Variants in CLEC16A observed in about 807,000 individuals in gnomAD.
CLEC16A encodes protein CLEC16A.
A neutral mutation model predicts 109.5 loss-of-function variants in CLEC16A; 51 were observed. That is an observed-to-expected ratio of 0.47 (90% CI 0.37 to 0.59). CLEC16A has a LOEUF of 0.59. CLEC16A is among the 20% of genes least tolerant of loss of function. CLEC16A has a pLI of 0.00. For synonymous variants in CLEC16A, 673 were observed against 564.2 expected, an observed-to-expected ratio of 1.19 and a Z score of -2.73; for missense variants, 1,339 against 1,394.0, an observed-to-expected ratio of 0.96 and a Z score of 0.63.
intron 13 of CLEC16A, among the ~76,000 whole-genome samples, 200 bp downstream of exon 13, chr16:11,025,121 C>T (rs2046336845): frequency 6.6e-6 from 1 of 152,154 alleles, no homozygotes; most frequent in Admixed American, 6.5e-5. Context: ...CCAACTGAAG[C>T]CACAGGAATT....
At chr16:11,093,346 T>G (rs933119427) in intron 19 of CLEC16A, among the ~76,000 whole-genome samples, 1 of 152,158 alleles carries the variant, frequency 6.6e-6, no homozygotes, top group Admixed American at 6.5e-5. Flanking sequence ...GTGGCCATAC[T>G]CGTCCCAGTG....
chr16:11,057,411 A>G (rs976816786), intron 18 of CLEC16A, among the ~76,000 whole-genome samples: 4 of 152,226 alleles, frequency 2.6e-5, no homozygotes, highest in Non-Finnish European at 5.9e-5. Context: ...CCAGAACACA[A>G]GCCTGGGCTT....
At chr16:11,065,898 C>T (rs563747252) in intron 19 of CLEC16A, among the ~76,000 whole-genome samples, 12 of 152,316 alleles carry the variant, frequency 7.9e-5, no homozygotes, top group Non-Finnish European at 1.8e-4. Flanking sequence ...CTGGGAAGAG[C>T]CAGATCTCAA....
At chr16:11,066,892 A>G (rs1450443669) in intron 19 of CLEC16A, 1 of 152,154 alleles carries the variant, frequency 6.6e-6, no homozygotes, top group Non-Finnish European at 1.5e-5. Context: ...AGCCCTTAGG[A>G]TTTCATAGCC....
chr16:11,163,254 G>C (rs2054789930), intron 22 of CLEC16A, among the ~76,000 whole-genome samples: 1 of 152,142 alleles, frequency 6.6e-6, no homozygotes, highest in African/African-American at 2.4e-5. Context: ...ACTTTGATTT[G>C]GGGAAAAACC....
intron 15 of CLEC16A, among the ~76,000 whole-genome samples, chr16:11,043,029 TGTAA>T (rs1157047291): frequency 6.6e-6 from 1 of 151,902 alleles, no homozygotes; most frequent in African/African-American, 2.4e-5. Context: ...TATTTACATA[TGTAA>T]ATGAAAATTC....
At chr16:11,151,285 AG>A (rs1051785681) in intron 22 of CLEC16A, among the ~76,000 whole-genome samples, 35 of 152,336 alleles carry the variant, frequency 2.3e-4, no homozygotes, top group African/African-American at 7.9e-4. Flanking sequence ...CCTTAGAGTC[AG>A]GGGGACTGTC....
At chr16:11,081,464 A>T (rs1479653310) in intron 19 of CLEC16A, among the ~76,000 whole-genome samples, 3 of 152,062 alleles carry the variant, frequency 2.0e-5, no homozygotes, top group Non-Finnish European at 4.4e-5. Flanking sequence ...TGGCGCCTCC[A>T]GGTAGGGCTC....
chr16:11,009,170 A>G lies in CLEC16A; in HGVS notation c.1303+5865A>G, dbSNP rs2045242835. Among the ~76,000 whole-genome samples, 4 of 152,322 alleles carry G rather than the reference A, an allele frequency of 2.6e-5. No homozygotes were observed. The South Asian group carries it at 6.2e-4, about 24-fold the overall frequency. On this transcript the variant is annotated intron_variant, in intron 11 of 23. Coordinates refer to ENST00000409790, the MANE Select transcript of CLEC16A (RefSeq NM_015226.3). ...TTGACTGCTCTAGGTCGTTTATTCA[A>G]ATGGAATCATACAGTATTGTCTTTT...
intron 1 of CLEC16A, among the ~76,000 whole-genome samples, chr16:10,948,449 T>C (rs2041545004): frequency 6.6e-6 from 1 of 152,230 alleles, no homozygotes; most frequent in Non-Finnish European, 1.5e-5. Flanking sequence ...CTACACACCA[T>C]GGGTGGTTTA....
chr16:11,003,420 G>C, intron 11 of CLEC16A, 115 bp downstream of exon 11: 1 of 775,756 alleles, frequency 1.3e-6, no homozygotes, highest in Non-Finnish European at 2.1e-6. Flanking sequence ...TCCAGCCAGT[G>C]ATTCGATTCC....
chr16:11,003,058 C>T lies in CLEC16A; in HGVS notation c.1072-16C>T, dbSNP rs1567181016. 4 of 1,590,402 alleles carry T rather than the reference C, an allele frequency of 2.5e-6. No homozygotes were observed. Among genetic ancestry groups the T allele is most frequent in the South Asian group, 1.1e-5 (1 of 88,222 alleles). On this transcript the variant is annotated splice_polypyrimidine_tract_variant and intron_variant, in intron 10 of 23. Transcript: ENST00000409790. Reference sequence around the variant, plus strand: ...AGTGTTCAAATTCACCTGTTGCCTTCGTTGGACTTTCCTAGGCCAAGCCCA... The same window carrying T: ...AGTGTTCAAATTCACCTGTTGCCTTTGTTGGACTTTCCTAGGCCAAGCCCA...
chr16:10,967,220 T>C (rs544095663), intron 3 of CLEC16A, among the ~76,000 whole-genome samples: 3 of 152,158 alleles, frequency 2.0e-5, no homozygotes, highest in Non-Finnish European at 2.9e-5. Flanking sequence ...GTGGCTTCCA[T>C]CACGATCCCG....
chr16:11,149,195 G>A (rs2054194270), intron 22 of CLEC16A, among the ~76,000 whole-genome samples: 2 of 152,194 alleles, frequency 1.3e-5, no homozygotes, highest in Admixed American at 6.5e-5. Context: ...GAGTCAGGCA[G>A]GCAGCGGGAC....
chr16:11,029,615 C>T (rs1023100346), intron 13 of CLEC16A, among the ~76,000 whole-genome samples: 3 of 152,304 alleles, frequency 2.0e-5, no homozygotes, highest in East Asian at 1.9e-4. Flanking sequence ...GCTGCCTGTT[C>T]ATCCAGAGTC....
chr16:10,993,067 G>T (rs1418693990), intron 10 of CLEC16A, among the ~76,000 whole-genome samples: 1 of 152,078 alleles, frequency 6.6e-6, no homozygotes, highest in African/African-American at 2.4e-5. Context: ...ATCCTGGGTT[G>T]GTGGAAGAGA....
chr16:10,983,598 G>C (rs1035188666), intron 10 of CLEC16A, among the ~76,000 whole-genome samples: 1 of 152,200 alleles, frequency 6.6e-6, no homozygotes, highest in African/African-American at 2.4e-5. Context: ...GAGCTTTGGC[G>C]TTCCATTTGG....
At chr16:11,043,993 C>G (rs201645039) in intron 15 of CLEC16A, 35 bp from the exon 16 acceptor site, 42 of 1,571,998 alleles carry the variant, frequency 2.7e-5, no homozygotes, top group Non-Finnish European at 3.6e-5. Flanking sequence ...CTATATGAGA[C>G]CTGCCTCCTT....
chr16:11,068,136 T>C (rs1468274576), intron 19 of CLEC16A, among the ~76,000 whole-genome samples: 1 of 152,156 alleles, frequency 6.6e-6, no homozygotes, highest in Non-Finnish European at 1.5e-5. Flanking sequence ...TTCCTAGCCA[T>C]GTGACTTTGG....
Sources: allele counts gnomAD v4.1 joint callset (sites outside exome capture counted in the v4.1 genomes callset), GRCh38; gene constraint gnomAD v4.1.1; transcripts MANE v1.5; gene names NCBI Gene and HGNC (gene_info 2026-07-23, HGNC 2026-07-21).